The following PGR variants were observed in gnomAD, a reference collection of about 807,000 sequenced individuals.
PGR encodes progesterone receptor.
Under a neutral mutation model 76.1 loss-of-function variants are expected in PGR, and 25 were observed. That is an observed-to-expected ratio of 0.33 (90% CI 0.24 to 0.46). The LOEUF (loss-of-function observed/expected upper bound fraction) is 0.46. Ranked by LOEUF, PGR falls within the 20% of genes least tolerant of loss-of-function variation. The pLI is 1.00. For missense variants in PGR, 1,172 were observed against 1,225.3 expected, an observed-to-expected ratio of 0.96 and a Z score of 0.65; for synonymous variants, 579 against 535.0, an observed-to-expected ratio of 1.08 and a Z score of -1.14.
chr11:101,059,683 A>C (rs1276341936), intron 4 of PGR, among the ~76,000 whole-genome samples: 1 of 151,776 alleles, frequency 6.6e-6, no homozygotes, highest in Non-Finnish European at 1.5e-5. Flanking sequence ...AAAATAAAAA[A>C]AATTTAGCCA....
chr11:101,088,934 AAAAAACC>A (rs1861586351), intron 3 of PGR, among the ~76,000 whole-genome samples: 1 of 152,216 alleles, frequency 6.6e-6, no homozygotes, highest in African/African-American at 2.4e-5. Flanking sequence ...ACACAGGAAC[AAAAAACC>A]AAATACTGCA....
intron 3 of PGR, among the ~76,000 whole-genome samples, chr11:101,088,189 C>G (rs559620344): frequency 6.6e-6 from 1 of 152,044 alleles, no homozygotes; most frequent in Non-Finnish European, 1.5e-5. Context: ...CAGAGTGAGA[C>G]TCTGTCTCAA....
chr11:101,047,892 T>C (rs1039859218), intron 6 of PGR, among the ~76,000 whole-genome samples: 3 of 152,172 alleles, frequency 2.0e-5, no homozygotes, highest in African/African-American at 7.2e-5. Context: ...GATATTTGCC[T>C]GTCCTTCTGG....
intron 3 of PGR, among the ~76,000 whole-genome samples, chr11:101,088,225 C>T (rs899116423): frequency 9.2e-5 from 14 of 151,958 alleles, no homozygotes; most frequent in Non-Finnish European, 1.8e-4. Flanking sequence ...AAACTCAAAA[C>T]CTAATAGATG....
intron 2 of PGR, among the ~76,000 whole-genome samples, chr11:101,098,627 G>A (rs1368448568): frequency 6.6e-6 from 1 of 152,102 alleles, no homozygotes; most frequent in African/African-American, 2.4e-5. Context: ...AGAAATGAAA[G>A]CTGGAGGAAC....
At chr11:101,118,441 T>G (rs1185272786) in intron 2 of PGR, among the ~76,000 whole-genome samples, 1 of 152,218 alleles carries the variant, frequency 6.6e-6, no homozygotes, top group Non-Finnish European at 1.5e-5. Context: ...ATAAATCACT[T>G]GGTTATAGAA....
At position 101,113,836 on chromosome 11, in the gene PGR, C is replaced by T. The variant is rs137977916; in HGVS notation, c.1789+12171G>A. On this transcript the variant is annotated intron_variant, in intron 2 of 7. Transcript: ENST00000325455. ...ACTCTCCTTGAGCCCTTGCTTCCTA[C>T]TCAGTTGTTAGGCCCTTTCTATTTC... Among the ~76,000 whole-genome samples, 16 of 152,266 alleles carry T rather than the reference C, an allele frequency of 1.1e-4. No homozygotes were observed. In the East Asian group the frequency reaches 3.1e-3, roughly 29 times the overall value.
chr11:101,051,692 A>G (rs1860094532), intron 4 of PGR, 124 bp from the exon 5 acceptor site: 2 of 722,096 alleles, frequency 2.8e-6, no homozygotes, highest in Non-Finnish European at 5.0e-6. Flanking sequence ...CAATCCCAAC[A>G]TATTTTACAC....
At chr11:101,069,810 C>T (rs1227929173) in intron 3 of PGR, among the ~76,000 whole-genome samples, 1 of 151,898 alleles carries the variant, frequency 6.6e-6, no homozygotes, top group South Asian at 2.1e-4. Context: ...ACAATGAGAA[C>T]ACATGGACAC....
rs143930988 is a variant in PGR, at chr11:101,122,857, C to T, written c.1789+3150G>A. ...GGCTCCTGCTTATGTCTTCTTATTG[C>T]TGCCCTAAATGTGAAGTTAATATGA... On this transcript the variant is annotated intron_variant, in intron 2 of 7. Coordinates refer to ENST00000325455, the MANE Select transcript of PGR (RefSeq NM_000926.4). Among the ~76,000 whole-genome samples the T allele has an allele frequency of 1.7e-4, 26 of 152,282 alleles. No individual in the cohort carries two copies. In the East Asian group the frequency reaches 4.4e-3, roughly 26 times the overall value.
intron 2 of PGR, among the ~76,000 whole-genome samples, chr11:101,101,870 TGAGA>T (rs1337635247): frequency 6.6e-6 from 1 of 152,180 alleles, no homozygotes; most frequent in Non-Finnish European, 1.5e-5. Context: ...CAGTAAATAC[TGAGA>T]GAGAGAATTC....
At chr11:101,051,608 A>G in intron 4 of PGR, 40 bp from the exon 5 acceptor site, 1 of 1,447,016 alleles carries the variant, frequency 6.9e-7, no homozygotes, top group Non-Finnish European at 9.7e-7. Context: ...CATAAAAATG[A>G]CTGAATTATC....
rs113280605 is a variant in PGR at position 101,065,287 on chromosome 11, C to T, written c.1907-2535G>A. Among the ~76,000 whole-genome samples, 10 of 146,580 alleles carry T rather than the reference C, an allele frequency of 6.8e-5. No homozygotes were observed. The East Asian group carries it at 1.4e-3, about 21-fold the overall frequency. ...TAAGTTATTAAAGTAGTTGTTTTGA[C>T]CTAACATAGCTTAAAAAAGAATATG... On this transcript the variant is annotated intron_variant, in intron 3 of 7. Coordinates refer to ENST00000325455, the MANE Select transcript of PGR (RefSeq NM_000926.4).
chr11:101,056,284 C>A (rs1044790983), intron 4 of PGR, among the ~76,000 whole-genome samples: 17 of 150,986 alleles, frequency 1.1e-4, no homozygotes, highest in African/African-American at 3.6e-4. Context: ...TAATTTCTGA[C>A]AAAAGCCCTG....
chr11:101,049,425 C>G (rs1050149517), intron 6 of PGR, among the ~76,000 whole-genome samples: 1 of 152,164 alleles, frequency 6.6e-6, no homozygotes, highest in African/African-American at 2.4e-5. Flanking sequence ...GTACTATGTA[C>G]TGTACATAAT....
At chr11:101,069,914 TGTTG>T (rs1423166784) in intron 3 of PGR, among the ~76,000 whole-genome samples, 1 of 151,906 alleles carries the variant, frequency 6.6e-6, no homozygotes, top group Non-Finnish European at 1.5e-5. Context: ...GATGATGGAT[TGTTG>T]GGTGCAGCAA....
rs571689574 is a variant in PGR at position 101,030,736 on chromosome 11, C to T, written c.*8380G>A. 120 of 206,226 alleles carry T rather than the reference C, an allele frequency of 5.8e-4. No individual in the cohort carries two copies. Among genetic ancestry groups the T allele is most frequent in the African/African-American group, 2.6e-3 (113 of 43,898 alleles). The allele number at this position is 206,226 out of a possible 1,614,324, so 12.8% of individuals were successfully genotyped here. On this transcript the variant is annotated 3_prime_UTR_variant, in exon 8 of 8. Transcript: ENST00000325455. ...GTCTGGAGATTAGGGCTTTCTCAAGCGAAAAACATGGTCTAAATCTCAAAG... is the reference window on the plus strand; with the variant it reads ...GTCTGGAGATTAGGGCTTTCTCAAGTGAAAAACATGGTCTAAATCTCAAAG...
At chr11:101,110,065 C>G (rs571171201) in intron 2 of PGR, among the ~76,000 whole-genome samples, 6 of 152,118 alleles carry the variant, frequency 3.9e-5, no homozygotes, top group Non-Finnish European at 2.9e-5. Context: ...ACTGTTGAGA[C>G]CTACTGCTTA....
intron 3 of PGR, among the ~76,000 whole-genome samples, chr11:101,081,839 C>CA (rs1304745275): frequency 1.3e-5 from 2 of 152,108 alleles, no homozygotes; most frequent in Non-Finnish European, 2.9e-5. Context: ...CCCTACAAAG[C>CA]AAAAACACAA....
Sources: gnomAD v4.1 joint callset for allele counts (sites outside exome capture counted in the v4.1 genomes callset) on GRCh38, gnomAD v4.1.1 for gene constraint, MANE v1.5 for transcripts, NCBI Gene and HGNC (gene_info 2026-07-23, HGNC 2026-07-21) for gene names.